ANO2: variants seen among roughly 807,000 people sequenced by gnomAD.
ANO2 encodes the protein anoctamin-2.
A neutral mutation model predicts 124.2 loss-of-function variants in ANO2; 101 were observed. The ratio of observed to expected loss-of-function variants is 0.81; its 90% CI spans 0.69 to 0.96. ANO2 has a LOEUF of 0.96. Ranked by LOEUF, ANO2 falls within the 40% of genes least tolerant of loss-of-function variation. The pLI, the probability that ANO2 is intolerant of heterozygous loss-of-function variation, is 0.00. For missense variants in ANO2, 1,293 were observed against 1,274.5 expected, an observed-to-expected ratio of 1.01 and a Z score of -0.22; for synonymous variants, 486 against 482.5, an observed-to-expected ratio of 1.01 and a Z score of -0.09.
intron 14 of ANO2, among the ~76,000 whole-genome samples, chr12:5,708,741 G>T (rs1200349809): frequency 6.6e-6 from 1 of 152,186 alleles, no homozygotes; most frequent in African/African-American, 2.4e-5. Flanking sequence ...CCAGCACTTG[G>T]TAAGACATGC....
intron 14 of ANO2, among the ~76,000 whole-genome samples, chr12:5,661,486 G>A (rs1207063310): frequency 2.0e-5 from 3 of 152,126 alleles, no homozygotes; most frequent in Non-Finnish European, 4.4e-5. Flanking sequence ...GAGCTCTAAG[G>A]GGTGCCTATA....
chr12:5,671,149 C>G (rs112039834), intron 14 of ANO2, among the ~76,000 whole-genome samples: 15,409 of 152,146 alleles, frequency 0.1, 1,034 homozygotes, highest in African/African-American at 0.18. Context: ...AGGGGAACAG[C>G]TCCCCACCTT....
At chr12:5,807,954 C>T (rs952766989) in intron 7 of ANO2, among the ~76,000 whole-genome samples, 2 of 152,174 alleles carry the variant, frequency 1.3e-5, no homozygotes, top group African/African-American at 4.8e-5. Flanking sequence ...ACAGCACTAA[C>T]GGTTTCTAAC....
At chr12:5,615,131 A>C (rs1944735298) in intron 17 of ANO2, 55 bp downstream of exon 17, 4 of 1,436,504 alleles carry the variant, frequency 2.8e-6, no homozygotes, top group Admixed American at 1.9e-5. Context: ...CTGACAGTAG[A>C]GAACCCAGTC....
At chr12:5,632,207 T>C (rs1000356888) in intron 16 of ANO2, among the ~76,000 whole-genome samples, 2 of 151,962 alleles carry the variant, frequency 1.3e-5, no homozygotes, top group South Asian at 2.1e-4. Flanking sequence ...GAGTACCCAG[T>C]ATAAGGTAGA....
At chr12:5,916,730 AAAAAAC>A (rs201532230) in intron 3 of ANO2, among the ~76,000 whole-genome samples, 22,745 of 125,942 alleles carry the variant, frequency 0.18, 1,943 homozygotes, top group East Asian at 0.41. Context: ...AATTTAAAAA[AAAAAAC>A]AAAACACTGT....
intron 16 of ANO2, among the ~76,000 whole-genome samples, chr12:5,623,451 C>T (rs928073582): frequency 2.0e-5 from 3 of 152,162 alleles, no homozygotes; most frequent in Non-Finnish European, 4.4e-5. Context: ...CAGAGCCATT[C>T]CCACCATCAG....
chr12:5,767,257 G>A (rs1271020903), intron 10 of ANO2, among the ~76,000 whole-genome samples: 2 of 152,220 alleles, frequency 1.3e-5, no homozygotes, highest in Non-Finnish European at 2.9e-5. Context: ...AGGGATGCCA[G>A]AGAGAAAGTT....
At position 5,862,954 on chromosome 12, in the gene ANO2, C is replaced by A. The variant is rs1030749018; in HGVS notation, c.535-8813G>T. On this transcript the variant is annotated intron_variant, in intron 3 of 24. Transcript: ENST00000682330. This position sits in a 1 kb window ranked among gnomAD's most constrained non-coding sequence, Gnocchi z 4.0. ...TACAGGCACCCACCACCACACCCAG[C>A]TAATTTTTTGTATTTTTTTCTTTTT... Among the ~76,000 whole-genome samples, 2 of 152,078 alleles carry A rather than the reference C, an allele frequency of 1.3e-5. No homozygotes were observed. The highest frequency in any genetic ancestry group is 2.9e-5 in the Non-Finnish European group (2 of 68,004).
intron 14 of ANO2, among the ~76,000 whole-genome samples, chr12:5,722,590 A>G (rs1429873032): frequency 2.0e-5 from 3 of 152,228 alleles, no homozygotes; most frequent in African/African-American, 7.2e-5. Flanking sequence ...TACGGATGTC[A>G]AGCATTGCTG....
At chr12:5,728,090 G>A (rs1469662625) in intron 14 of ANO2, among the ~76,000 whole-genome samples, 2 of 152,194 alleles carry the variant, frequency 1.3e-5, no homozygotes, top group African/African-American at 4.8e-5. Flanking sequence ...ACAGGCGTGA[G>A]CCACCGCACC....
At chr12:5,716,863 A>C (rs753156034) in intron 14 of ANO2, among the ~76,000 whole-genome samples, 5 of 152,178 alleles carry the variant, frequency 3.3e-5, no homozygotes, top group Non-Finnish European at 7.3e-5. Context: ...CTTATGTAAA[A>C]TATCTCCCAC....
At chr12:5,773,146 C>T (rs548666946) in intron 10 of ANO2, among the ~76,000 whole-genome samples, 52 of 152,366 alleles carry the variant, frequency 3.4e-4, no homozygotes, top group Middle Eastern at 3.4e-3. Context: ...GCACCAGCTC[C>T]GGCTACAGCC....
At chr12:5,790,041 C>G (rs999177251) in intron 10 of ANO2, among the ~76,000 whole-genome samples, 1 of 152,182 alleles carries the variant, frequency 6.6e-6, no homozygotes, top group Non-Finnish European at 1.5e-5. Flanking sequence ...TCACAGGACG[C>G]CAGTCCCCTT....
intron 3 of ANO2, among the ~76,000 whole-genome samples, chr12:5,886,453 T>G (rs1031668476): frequency 6.6e-6 from 1 of 152,176 alleles, no homozygotes; most frequent in Non-Finnish European, 1.5e-5. Flanking sequence ...GCATAAAGTT[T>G]AGGTTATGTT....
intron 5 of ANO2, among the ~76,000 whole-genome samples, chr12:5,831,084 G>C (rs1160711534): frequency 1.3e-5 from 2 of 152,162 alleles, no homozygotes; most frequent in African/African-American, 2.4e-5. Flanking sequence ...CATATACTGA[G>C]CTTTCACTCA....
At chr12:5,795,770 G>A (rs989368304) in intron 10 of ANO2, among the ~76,000 whole-genome samples, 7 of 152,190 alleles carry the variant, frequency 4.6e-5, no homozygotes, top group African/African-American at 1.7e-4. Flanking sequence ...GACAGATTAC[G>A]GCCCTGACTA....
chr12:5,600,571 G>C (rs571789409), intron 19 of ANO2, among the ~76,000 whole-genome samples: 1 of 152,280 alleles, frequency 6.6e-6, no homozygotes, highest in East Asian at 1.9e-4. Context: ...AGTAAGCATT[G>C]AATAGATGAT....
intron 20 of ANO2, among the ~76,000 whole-genome samples, chr12:5,589,805 G>A (rs77971395): frequency 0.06 from 9,146 of 152,194 alleles, 372 homozygotes; most frequent in Middle Eastern, 0.095. Context: ...GGACAGGCAG[G>A]GCAGGAGGGA....
Sources: gnomAD v4.1 joint callset for allele counts (sites outside exome capture counted in the v4.1 genomes callset) on GRCh38, gnomAD v4.1.1 for gene constraint, Gnocchi (gnomAD v3.1) non-coding constraint, MANE v1.5 for transcripts, NCBI Gene and HGNC (gene_info 2026-07-23, HGNC 2026-07-21) for gene names.